The following MTA3 variants were observed in gnomAD, a reference collection of about 807,000 sequenced individuals.
MTA3 encodes the protein metastasis-associated protein MTA3.
Under a neutral mutation model 83.5 loss-of-function variants are expected in MTA3, and 34 were observed. That is an observed-to-expected ratio of 0.41 (90% CI 0.31 to 0.54). MTA3 has a LOEUF of 0.54. MTA3 is among the 20% of genes least tolerant of loss of function. The pLI, the probability that MTA3 is intolerant of heterozygous loss-of-function variation, is 0.33. For missense variants in MTA3, 761 were observed against 726.4 expected (o/e 1.05, Z -0.55); for synonymous variants, 303 against 252.7 (o/e 1.20, Z -1.89).
chr2:42,654,087 C>T (rs1688946960), intron 6 of MTA3, among the ~76,000 whole-genome samples: 3 of 152,184 alleles, frequency 2.0e-5, no homozygotes, highest in Admixed American at 2.0e-4. Context: ...GAATGAAGTC[C>T]TTTCAAACCT....
At chr2:42,612,005 G>A (rs1684281907) in intron 4 of MTA3, among the ~76,000 whole-genome samples, 1 of 152,102 alleles carries the variant, frequency 6.6e-6, no homozygotes, top group Non-Finnish European at 1.5e-5. Context: ...GGTTAGATTT[G>A]CTAGGGTAAG....
chr2:42,631,879 G>A (rs1307495562), intron 4 of MTA3, among the ~76,000 whole-genome samples: 2 of 151,790 alleles, frequency 1.3e-5, no homozygotes, highest in African/African-American at 4.8e-5. Context: ...TCATAGCGAT[G>A]GGGTAGCACC....
chr2:42,543,490 T>A (rs144713884), intron 2 of MTA3, among the ~76,000 whole-genome samples: 421 of 152,148 alleles, frequency 2.8e-3, no homozygotes, highest in Non-Finnish European at 5.0e-3. Context: ...GTTCTTTTTA[T>A]GTTTGTTTGT....
At chr2:42,634,380 C>G (rs147204918) in intron 4 of MTA3, among the ~76,000 whole-genome samples, 13 of 152,306 alleles carry the variant, frequency 8.5e-5, no homozygotes, top group African/African-American at 3.1e-4. Context: ...ATTCACAGTT[C>G]TGCATGGCTG....
rs745421663 is a variant in MTA3 at position 42,704,361 on chromosome 2, C to G, written c.1150+43C>G. The G allele has an allele frequency of 5.6e-6, 9 of 1,610,292 alleles. 1 individual carries two copies. The highest frequency in any genetic ancestry group is 1.3e-5 in the African/African-American group (1 of 74,946). On this transcript the variant is annotated intron_variant, in intron 12 of 16. Transcript: ENST00000405094. ...GGTCAGTTAAGCATCGGGAACTGTT[C>G]TGGCTCATGGGGTGTGAGCGTCTGG...
At chr2:42,531,289 G>A (rs1383499488) in intron 2 of MTA3, among the ~76,000 whole-genome samples, 2 of 152,104 alleles carry the variant, frequency 1.3e-5, no homozygotes, top group African/African-American at 4.8e-5. Flanking sequence ...GTTATTGCCA[G>A]ACAATGGCCT....
intron 4 of MTA3, among the ~76,000 whole-genome samples, chr2:42,609,961 G>C (rs1193550898): frequency 6.6e-6 from 1 of 152,118 alleles, no homozygotes; most frequent in Non-Finnish European, 1.5e-5. Flanking sequence ...TTAGCTGGGC[G>C]TGGTGGTATG....
chr2:42,741,456 A>T (rs563411864), intron 16 of MTA3, among the ~76,000 whole-genome samples: 1 of 152,176 alleles, frequency 6.6e-6, no homozygotes, highest in African/African-American at 2.4e-5. Flanking sequence ...TTGGCTTTCA[A>T]TACGCCTTCC....
chr2:42,702,447 T>G (rs1665668715), intron 11 of MTA3: 1 of 152,172 alleles, frequency 6.6e-6, no homozygotes, highest in African/African-American at 2.4e-5. Context: ...CAGACCAACT[T>G]TACAAACCAG....
Position 42,756,371 on chromosome 2 carries a change from C to G in MTA3, c.*2972C>G, listed in dbSNP as rs766155579. The G allele has an allele frequency of 3.1e-5, 25 of 798,460 alleles. No homozygotes were observed. Among genetic ancestry groups the G allele is most frequent in the Non-Finnish European group, 3.8e-5 (25 of 659,232 alleles). 49.5% of individuals were successfully genotyped at this position (798,460 alleles called of 1,614,324 possible). ...CTGCAGGTGCCTCACAGTAGTGAAACCCAGTTGGAAGCAGCTGCCCTGGGA... is the reference window on the plus strand; with the variant it reads ...CTGCAGGTGCCTCACAGTAGTGAAAGCCAGTTGGAAGCAGCTGCCCTGGGA... On this transcript the variant is annotated 3_prime_UTR_variant, in exon 17 of 17. Coordinates refer to ENST00000405094, the MANE Select transcript of MTA3 (RefSeq NM_001330442.2).
At chr2:42,661,261 G>A (rs930457776) in intron 8 of MTA3, among the ~76,000 whole-genome samples, 4 of 152,008 alleles carry the variant, frequency 2.6e-5, no homozygotes, top group Non-Finnish European at 5.9e-5. Context: ...CACTTTGGGG[G>A]GCTGAGGCCA....
chr2:42,582,262 G>A (rs1366797474), intron 3 of MTA3, among the ~76,000 whole-genome samples: 2 of 152,004 alleles, frequency 1.3e-5, no homozygotes, highest in South Asian at 2.1e-4. Flanking sequence ...GTTTCACCGC[G>A]TTAGCCAGGA....
At chr2:42,676,149 A>T (rs1418887420) in intron 8 of MTA3, among the ~76,000 whole-genome samples, 2 of 152,212 alleles carry the variant, frequency 1.3e-5, no homozygotes, top group Admixed American at 1.3e-4. Context: ...ACAGTACAGG[A>T]GCTCCTCCTC....
chr2:42,731,619 T>G (rs953900760), intron 16 of MTA3, among the ~76,000 whole-genome samples: 2 of 152,134 alleles, frequency 1.3e-5, no homozygotes, highest in Admixed American at 6.5e-5. Flanking sequence ...ACATGGGAAT[T>G]CTGGGAGATA....
At chr2:42,689,395 T>C (rs1692678256) in intron 9 of MTA3, among the ~76,000 whole-genome samples, 2 of 152,232 alleles carry the variant, frequency 1.3e-5, no homozygotes, top group Non-Finnish European at 2.9e-5. Context: ...TTTGGTTTTA[T>C]TTCAGGCTAA....
At chr2:42,653,911 T>G (rs1688933639) in intron 6 of MTA3, among the ~76,000 whole-genome samples, 1 of 152,210 alleles carries the variant, frequency 6.6e-6, no homozygotes, top group Non-Finnish European at 1.5e-5. Flanking sequence ...CTACTATCTA[T>G]CCTTATTTAA....
At chr2:42,497,680 C>G (rs1674208556) in intron 2 of MTA3, among the ~76,000 whole-genome samples, 2 of 152,062 alleles carry the variant, frequency 1.3e-5, no homozygotes, top group Non-Finnish European at 2.9e-5. Flanking sequence ...GAGCCAGTTC[C>G]TTAAACCTCA....
intron 3 of MTA3, among the ~76,000 whole-genome samples, chr2:42,589,781 C>T (rs1324763753): frequency 1.3e-5 from 2 of 152,060 alleles, no homozygotes; most frequent in Admixed American, 1.3e-4. Context: ...ATGTATAGGA[C>T]ACAAAACCCT....
At chr2:42,572,216 T>A (rs1187945755) in intron 2 of MTA3, among the ~76,000 whole-genome samples, 1 of 151,424 alleles carries the variant, frequency 6.6e-6, no homozygotes, top group Non-Finnish European at 1.5e-5. Flanking sequence ...GGGGTGGAGC[T>A]TGCAGTGAGC....
Sources: gnomAD v4.1 joint callset for allele counts (sites outside exome capture counted in the v4.1 genomes callset) on GRCh38, gnomAD v4.1.1 for gene constraint, MANE v1.5 for transcripts, NCBI Gene and HGNC (gene_info 2026-07-23, HGNC 2026-07-21) for gene names.